Variants in FUT9 observed in about 807,000 individuals in gnomAD.
FUT9 encodes 4-galactosyl-N-acetylglucosaminide 3-alpha-L-fucosyltransferase 9.
In FUT9, 15 loss-of-function variants were observed where a neutral mutation model predicts 29.7. The ratio of observed to expected loss-of-function variants is 0.51; its 90% CI spans 0.34 to 0.78. The LOEUF is 0.78. Ranked by LOEUF, FUT9 falls within the 30% of genes least tolerant of loss-of-function variation. The pLI, the probability that FUT9 is intolerant of heterozygous loss-of-function variation, is 0.01. For synonymous variants in FUT9, 169 were observed against 153.7 expected, an observed-to-expected ratio of 1.10 and a Z score of -0.74; for missense variants, 319 against 425.4, an observed-to-expected ratio of 0.75 and a Z score of 2.20.
chr6:96,123,573 G>A (rs1268724356), intron 2 of FUT9, among the ~76,000 whole-genome samples: 2 of 152,142 alleles, frequency 1.3e-5, no homozygotes, highest in African/African-American at 4.8e-5. Flanking sequence ...CTGACTTTAG[G>A]AAGTTAGGGT....
At chr6:96,040,057 T>TAAA (rs1770433152) in intron 1 of FUT9, among the ~76,000 whole-genome samples, 1 of 152,166 alleles carries the variant, frequency 6.6e-6, no homozygotes. Flanking sequence ...TAGCGATAAC[T>TAAA]AATTTATCAT....
chr6:96,164,758 G>A (rs943183011), intron 2 of FUT9, among the ~76,000 whole-genome samples: 1 of 152,194 alleles, frequency 6.6e-6, no homozygotes, highest in Admixed American at 6.5e-5. Context: ...ATTTTAGAAT[G>A]TCCTTGTCCA....
At chr6:96,136,994 C>T (rs902350476) in intron 2 of FUT9, among the ~76,000 whole-genome samples, 1 of 151,940 alleles carries the variant, frequency 6.6e-6, no homozygotes, top group African/African-American at 2.4e-5. Flanking sequence ...AACCTTTAGA[C>T]AGAATTTATA....
At position 96,060,539 on chromosome 6, in the gene FUT9, C is replaced by CTCTCTTT. The variant is rs1175211852; in HGVS notation, c.-98+44329_-98+44335dup. On this transcript the variant is annotated intron_variant, in intron 1 of 2. Coordinates refer to ENST00000302103, the MANE Select transcript of FUT9 (RefSeq NM_006581.4). ...TAAGCATAACTTTTTTCTTTTCTCT[C>CTCTCTTT]TCTCTTTTTTTTTTTGACATGGAGT... Among the ~76,000 whole-genome samples, 19 of 150,906 alleles carry CTCTCTTT rather than the reference C, an allele frequency of 1.3e-4. No individual in the cohort carries two copies. The South Asian group carries it at 4.0e-3, about 32-fold the overall frequency.
Position 96,150,531 on chromosome 6 carries a change from G to T in FUT9, c.-9+36404G>T, listed in dbSNP as rs960615236. 5.3e-5 allele frequency among the ~76,000 whole-genome samples: 8 copies of T among 152,210 alleles called. No homozygotes were observed. The East Asian group carries it at 1.5e-3, about 29-fold the overall frequency. On this transcript the variant is annotated intron_variant, in intron 2 of 2. Transcript: ENST00000302103. The stretch of plus-strand genomic sequence containing the variant: ...CATCAGGCTTGGACCAGGTACAGAG[G>T]GTTTTAAGAAGGAGAATGACAGAAC...
At position 96,019,347 on chromosome 6, in the gene FUT9, T is replaced by C. The variant is rs903123605; in HGVS notation, c.-98+3135T>C. Among the ~76,000 whole-genome samples the C allele has an allele frequency of 3.3e-5, 5 of 152,054 alleles. No individual in the cohort carries two copies. In the East Asian group the frequency reaches 9.6e-4, roughly 29 times the overall value. The stretch of plus-strand genomic sequence containing the variant: ...TCTAATATATATTTCTTGTATTTTC[T>C]TTTTCATTGCGGTGGATGTATTATT... On this transcript the variant is annotated intron_variant, in intron 1 of 2. Transcript: ENST00000302103.
At chr6:96,067,593 G>A (rs987653565) in intron 1 of FUT9, among the ~76,000 whole-genome samples, 2 of 152,100 alleles carry the variant, frequency 1.3e-5, no homozygotes, top group Non-Finnish European at 2.9e-5. Context: ...CATTGAGTAT[G>A]CAAGAGACCA....
At chr6:96,111,513 C>T (rs893058779) in intron 1 of FUT9, among the ~76,000 whole-genome samples, 2 of 148,722 alleles carry the variant, frequency 1.3e-5, no homozygotes, top group African/African-American at 5.0e-5. Context: ...GCATGCTGAG[C>T]CATTAAATTA....
intron 2 of FUT9, among the ~76,000 whole-genome samples, chr6:96,195,849 T>C (rs1170660129): frequency 6.6e-6 from 1 of 152,174 alleles, no homozygotes; most frequent in Non-Finnish European, 1.5e-5. Context: ...CCTGTACTAA[T>C]ACTATGATAG....
At chr6:96,182,140 A>G (rs1229240698) in intron 2 of FUT9, among the ~76,000 whole-genome samples, 2 of 151,694 alleles carry the variant, frequency 1.3e-5, no homozygotes, top group African/African-American at 4.8e-5. Context: ...TAAGGGTATC[A>G]CCTTGTGGTT....
intron 1 of FUT9, among the ~76,000 whole-genome samples, chr6:96,062,591 A>G (rs1770895114): frequency 6.6e-6 from 1 of 152,130 alleles, no homozygotes. Context: ...TGATAGATAG[A>G]TAAATAGATA....
intron 2 of FUT9, among the ~76,000 whole-genome samples, chr6:96,202,883 G>C (rs1033333157): frequency 2.0e-5 from 3 of 152,044 alleles, no homozygotes; most frequent in African/African-American, 7.2e-5. Flanking sequence ...AACAGTTAAG[G>C]ATAGCATTGA....
At chr6:96,132,230 T>C (rs574585476) in intron 2 of FUT9, among the ~76,000 whole-genome samples, 1 of 152,192 alleles carries the variant, frequency 6.6e-6, no homozygotes, top group Admixed American at 6.5e-5. Context: ...GGAATTCTTT[T>C]CCACTCCATG....
intron 2 of FUT9, among the ~76,000 whole-genome samples, chr6:96,135,948 G>T (rs1328734144): frequency 6.6e-6 from 1 of 150,790 alleles, no homozygotes; most frequent in Non-Finnish European, 1.5e-5. Flanking sequence ...GCATATCTTA[G>T]TGATATATTC....
chr6:96,073,570 T>C (rs1210022354), intron 1 of FUT9, among the ~76,000 whole-genome samples: 1 of 152,102 alleles, frequency 6.6e-6, no homozygotes, highest in Non-Finnish European at 1.5e-5. Flanking sequence ...GATAAGCAGG[T>C]CTAAATATCA....
intron 2 of FUT9, among the ~76,000 whole-genome samples, chr6:96,147,596 A>C (rs1369066396): frequency 1.3e-5 from 2 of 152,130 alleles, no homozygotes; most frequent in East Asian, 1.9e-4. Flanking sequence ...TTATAACTGT[A>C]GTTATTAAAC....
chr6:96,198,433 C>A (rs1322334901), intron 2 of FUT9, among the ~76,000 whole-genome samples: 2 of 152,104 alleles, frequency 1.3e-5, no homozygotes, highest in East Asian at 1.9e-4. Context: ...CATGTCCCTA[C>A]AAAGGACATG....
intron 2 of FUT9, among the ~76,000 whole-genome samples, chr6:96,130,610 A>T (rs1229251518): frequency 6.6e-6 from 1 of 152,214 alleles, no homozygotes; most frequent in African/African-American, 2.4e-5. Context: ...TGCTATAATT[A>T]TGAATACCCA....
intron 1 of FUT9, among the ~76,000 whole-genome samples, chr6:96,026,184 G>T (rs1452567434): frequency 1.3e-5 from 2 of 151,644 alleles, no homozygotes; most frequent in African/African-American, 4.8e-5. Flanking sequence ...ATGGAAAATT[G>T]TCTCCCAGTA....
Sources: gnomAD v4.1 joint callset for allele counts (sites outside exome capture counted in the v4.1 genomes callset) on GRCh38, gnomAD v4.1.1 for gene constraint, MANE v1.5 for transcripts, NCBI Gene and HGNC (gene_info 2026-07-23, HGNC 2026-07-21) for gene names.